SGSM2: variants seen among roughly 807,000 people sequenced by gnomAD.
SGSM2 encodes the protein RUN and TBC1 domain containing 1.
SGSM2 carries 89 observed loss-of-function variants against 126.6 expected under a neutral mutation model. The observed-to-expected ratio is 0.70, with a 90% CI of 0.59 to 0.84. The LOEUF (loss-of-function observed/expected upper bound fraction) is 0.84. Ranked by LOEUF, SGSM2 falls within the 40% of genes least tolerant of loss-of-function variation. SGSM2 has a pLI of 0.00. For missense variants in SGSM2, 1,404 were observed against 1,416.6 expected (o/e 0.99, Z 0.14); for synonymous variants, 614 against 574.3 (o/e 1.07, Z -0.99).
chr17:2,376,048 T>C, intron 18 of SGSM2, 89 bp from the exon 19 acceptor site: 1 of 1,590,648 alleles, frequency 6.3e-7, no homozygotes, highest in African/African-American at 1.3e-5. Context: ...CTGGGTTCCG[T>C]TTTGCTGCAT....
intron 1 of SGSM2, among the ~76,000 whole-genome samples, chr17:2,339,820 TAG>T (rs1296869069): frequency 6.6e-6 from 1 of 151,996 alleles, no homozygotes; most frequent in Non-Finnish European, 1.5e-5. Context: ...GGTAAAGATG[TAG>T]TTGAAGCCAT....
At chr17:2,353,594 C>T (rs983747650) in intron 2 of SGSM2, among the ~76,000 whole-genome samples, 21 of 152,040 alleles carry the variant, frequency 1.4e-4, no homozygotes, top group African/African-American at 5.1e-4. Context: ...GAAACCCTGT[C>T]TCTACTAAAA....
intron 19 of SGSM2, 197 bp from the exon 20 acceptor site, chr17:2,376,536 C>T: frequency 1.4e-6 from 1 of 701,010 alleles, no homozygotes; most frequent in Non-Finnish European, 2.4e-6. Context: ...CCTTGGCTCT[C>T]CCTAAGTCGG....
Position 2,378,035 on chromosome 17 carries a change from TA to T in SGSM2, c.2899+84del. On this transcript the variant is annotated intron_variant, in intron 22 of 23. Coordinates refer to ENST00000268989, the MANE Select transcript of SGSM2 (RefSeq NM_014853.3). ...CCCCCAAGCCAACAGTTCTCAATCC[TA>T]ACTGGACCTTGGAACCACCTGGGGA... 4 of 890,534 alleles carry T rather than the reference TA, an allele frequency of 4.5e-6. No homozygotes were observed. The Admixed American group carries it at 8.0e-5, about 18-fold the overall frequency. The allele number at this position is 890,534 out of a possible 1,614,324, so 55.2% of individuals were successfully genotyped here.
intron 19 of SGSM2, chr17:2,376,506 CCA>C: frequency 1.5e-6 from 1 of 665,216 alleles, no homozygotes; most frequent in Non-Finnish European, 2.5e-6. Context: ...CACCCCCGCC[CCA>C]CATACCAAGC....
chr17:2,377,301 T>C, intron 21 of SGSM2: 1 of 482,618 alleles, frequency 2.1e-6, no homozygotes, highest in Non-Finnish European at 3.7e-6. Context: ...CTGGCCAACA[T>C]CGTGAAACCC....
intron 2 of SGSM2, among the ~76,000 whole-genome samples, chr17:2,352,771 T>C (rs1026391262): frequency 2.3e-5 from 2 of 85,132 alleles, no homozygotes; most frequent in African/African-American, 1.2e-4. Flanking sequence ...CATTTTCTTT[T>C]TTTTTTTTTT....
intron 13 of SGSM2, 51 bp downstream of exon 13, chr17:2,371,466 T>C: frequency 6.5e-7 from 1 of 1,540,548 alleles, no homozygotes; most frequent in Non-Finnish European, 8.7e-7. Flanking sequence ...TCCAGCCACG[T>C]GTGTGTCCGT....
chr17:2,354,269 C>T (rs542245205), intron 2 of SGSM2, among the ~76,000 whole-genome samples: 20 of 151,246 alleles, frequency 1.3e-4, no homozygotes, highest in African/African-American at 4.9e-4. Flanking sequence ...AGGATAGTCT[C>T]AATCTCCTGA....
At chr17:2,375,443 C>T (rs1267011439) in intron 17 of SGSM2, 49 bp from the exon 18 acceptor site, 7 of 1,544,432 alleles carry the variant, frequency 4.5e-6, no homozygotes, top group South Asian at 3.7e-5. Context: ...CGGTGGGCTG[C>T]GGGAAGGTGC....
intron 1 of SGSM2, 111 bp from the exon 2 acceptor site, chr17:2,343,434 T>C: frequency 1.0e-6 from 1 of 954,476 alleles, no homozygotes; most frequent in Non-Finnish European, 1.7e-6. Flanking sequence ...TCTCTGCAAG[T>C]GTCTGAAAGT....
chr17:2,351,240 G>C (rs780188190), intron 2 of SGSM2, among the ~76,000 whole-genome samples: 1 of 150,934 alleles, frequency 6.6e-6, no homozygotes, highest in Admixed American at 6.6e-5. Context: ...GCAATAGATC[G>C]AGACTCAGTC....
In SGSM2 at chr17:2,354,882, G is replaced by A. The variant is rs112447590; in HGVS notation, c.134-6755G>A. 1.7e-3 allele frequency among the ~76,000 whole-genome samples: 230 copies of A among 138,802 alleles called. 11 individuals are homozygous for A. The highest frequency in any genetic ancestry group is 6.6e-3 in the African/African-American group (216 of 32,700). The allele number at this position is 138,802 out of a possible 152,430, so 91.1% of individuals were successfully genotyped here. ...TATCTTAGAATGGTGGAATCGGGGT[G>A]TAAGCGTTGGGGAAGGGACCCCATA... On this transcript the variant is annotated intron_variant, in intron 2 of 23. Coordinates refer to ENST00000268989, the MANE Select transcript of SGSM2 (RefSeq NM_014853.3).
rs2065625888 is a variant in SGSM2, at chr17:2,367,100, T to A, written c.1289-171T>A. Reference sequence around the variant, plus strand: ...CCCAGCCCCTCGCCTCCTTCCACACTCTCCCAGGAAAATCATCCAAAGAGC... The same window carrying A: ...CCCAGCCCCTCGCCTCCTTCCACACACTCCCAGGAAAATCATCCAAAGAGC... On this transcript the variant is annotated intron_variant, in intron 11 of 23. Transcript: ENST00000268989. This position sits in a 1 kb window ranked among gnomAD's most constrained non-coding sequence, Gnocchi z 4.0. The A allele has an allele frequency of 4.1e-6, 3 of 732,890 alleles. No homozygotes were observed. The highest frequency in any genetic ancestry group is 2.8e-5 in the East Asian group (1 of 35,852). The allele number at this position is 732,890 out of a possible 1,614,324, so 45.4% of individuals were successfully genotyped here.
Position 2,363,743 on chromosome 17 carries a change from A to G in SGSM2, c.807+144A>G. The G allele has an allele frequency of 8.1e-7, 1 of 1,241,614 alleles. No homozygotes were observed. The highest frequency in any genetic ancestry group is 1.1e-6 in the Non-Finnish European group (1 of 903,370). 76.9% of individuals were successfully genotyped at this position (1,241,614 alleles called of 1,614,324 possible). A position where few individuals can be genotyped will look rare whatever the true frequency, so the allele number is the denominator to read the frequency against. On this transcript the variant is annotated intron_variant, in intron 7 of 23. Transcript: ENST00000268989. This position sits in a 1 kb window ranked among gnomAD's most constrained non-coding sequence, Gnocchi z 4.2. ...CCCCAGCCTCCCAACTCCCTGTTTC[A>G]CACGACTCACGCCCAGCCTTTAGTT...
Position 2,363,413 on chromosome 17 carries a change from C to G in SGSM2, c.673-52C>G. 1 of 1,607,780 alleles carries G rather than the reference C, an allele frequency of 6.2e-7. No homozygotes were observed. Among genetic ancestry groups the G allele is most frequent in the Non-Finnish European group, 8.5e-7 (1 of 1,179,128 alleles). On this transcript the variant is annotated intron_variant, in intron 6 of 23. Transcript: ENST00000268989. The surrounding 1 kb of genome is among the most constrained non-coding windows in gnomAD (Gnocchi z 4.2). ...GCATGGAAGCGTGAGGGTTCCCAAGCCTTGAGGCCAGTTTCCCAAGGCTGG... is the reference window on the plus strand; with the variant it reads ...GCATGGAAGCGTGAGGGTTCCCAAGGCTTGAGGCCAGTTTCCCAAGGCTGG...
intron 2 of SGSM2, among the ~76,000 whole-genome samples, chr17:2,350,338 G>A (rs755819843): frequency 5.3e-5 from 8 of 151,800 alleles, no homozygotes; most frequent in Non-Finnish European, 1.0e-4. Flanking sequence ...GGTGGGGTGC[G>A]GTGGCTCACA....
At chr17:2,370,682 G>A (rs551914628) in intron 12 of SGSM2, among the ~76,000 whole-genome samples, 1 of 152,340 alleles carries the variant, frequency 6.6e-6, no homozygotes, top group Non-Finnish European at 1.5e-5. Context: ...CCTGGGCACG[G>A]GGCACTGCTC....
intron 20 of SGSM2, 65 bp from the exon 21 acceptor site, chr17:2,376,894 G>C (rs2066190585): frequency 6.2e-7 from 1 of 1,603,758 alleles, no homozygotes. Flanking sequence ...GGAGGGGTGG[G>C]AATGGGAGCC....
Sources: allele counts gnomAD v4.1 joint callset (sites outside exome capture counted in the v4.1 genomes callset), GRCh38; gene constraint gnomAD v4.1.1; non-coding constraint Gnocchi (gnomAD v3.1); transcripts MANE v1.5; gene names NCBI Gene and HGNC (gene_info 2026-07-23, HGNC 2026-07-21).